The following PPP6R3 variants were observed in gnomAD, a reference collection of about 807,000 sequenced individuals.
The protein encoded by PPP6R3 is protein phosphatase 6 regulatory subunit 3, also known as serine/threonine-protein phosphatase 6 regulatory subunit 3.
PPP6R3 carries 38 observed loss-of-function variants against 110.7 expected under a neutral mutation model. The observed-to-expected ratio is 0.34, with a 90% confidence interval of 0.26 to 0.45. The LOEUF (loss-of-function observed/expected upper bound fraction) is 0.45. PPP6R3 is among the 20% of genes least tolerant of loss of function. The pLI is 1.00. For missense variants in PPP6R3, 870 were observed against 1,062.4 expected (o/e 0.82, Z 2.52); for synonymous variants, 369 against 373.5 (o/e 0.99, Z 0.14).
At chr11:68,503,628 A>G (rs2099059950) in intron 1 of PPP6R3, among the ~76,000 whole-genome samples, 1 of 152,212 alleles carries the variant, frequency 6.6e-6, no homozygotes, top group South Asian at 2.1e-4. Context: ...GTACGTGAGG[A>G]CAGAAGAGTT....
At chr11:68,596,075 C>T (rs1281977632) in intron 18 of PPP6R3, 22 bp from the exon 19 acceptor site, 2 of 1,614,016 alleles carry the variant, frequency 1.2e-6, no homozygotes, top group East Asian at 2.2e-5. Context: ...GTGTTAAATA[C>T]TTGGGTCTTG....
chr11:68,574,958 A>C (rs958729136), intron 13 of PPP6R3, among the ~76,000 whole-genome samples: 28 of 152,124 alleles, frequency 1.8e-4, no homozygotes, highest in Non-Finnish European at 1.8e-4. Context: ...ATTTTTTCTT[A>C]AGAATGTTTG....
chr11:68,591,214 GCT>G (rs1227098292), intron 17 of PPP6R3, among the ~76,000 whole-genome samples: 1 of 152,186 alleles, frequency 6.6e-6, no homozygotes, highest in Non-Finnish European at 1.5e-5. Context: ...GGTTATCACT[GCT>G]CAGCTGGACT....
intron 22 of PPP6R3, among the ~76,000 whole-genome samples, chr11:68,607,778 ATT>A (rs763137307): frequency 1.4e-5 from 2 of 146,360 alleles, no homozygotes; most frequent in Non-Finnish European, 3.0e-5. Flanking sequence ...TCTAATCTAG[ATT>A]TTTTTTTTTT....
chr11:68,530,455 G>C (rs1484013615), intron 2 of PPP6R3, among the ~76,000 whole-genome samples: 1 of 152,350 alleles, frequency 6.6e-6, no homozygotes, highest in South Asian at 2.1e-4. Flanking sequence ...TTGGGTGGAA[G>C]CAGCTGCTTC....
chr11:68,565,750 C>T (rs571761766), intron 9 of PPP6R3, among the ~76,000 whole-genome samples: 2 of 148,286 alleles, frequency 1.3e-5, no homozygotes, highest in African/African-American at 2.6e-5. Flanking sequence ...GAGTGAGTTC[C>T]GTTTGCACCT....
intron 2 of PPP6R3, among the ~76,000 whole-genome samples, chr11:68,520,081 A>C (rs1235634486): frequency 6.6e-6 from 1 of 152,198 alleles, no homozygotes; most frequent in Admixed American, 6.5e-5. Context: ...CCTAATCTCC[A>C]TCACTTTAGA....
intron 3 of PPP6R3, among the ~76,000 whole-genome samples, chr11:68,538,713 T>G (rs2099287237): frequency 6.6e-6 from 1 of 152,234 alleles, no homozygotes; most frequent in South Asian, 2.1e-4. Context: ...TTGTTAATGC[T>G]TTCAAGTTGC....
intron 19 of PPP6R3, among the ~76,000 whole-genome samples, chr11:68,597,344 GT>G (rs1199979103): frequency 6.6e-6 from 1 of 152,194 alleles, no homozygotes; most frequent in African/African-American, 2.4e-5. Context: ...AGAACGTGCT[GT>G]TTTGCATGGC....
intron 1 of PPP6R3, among the ~76,000 whole-genome samples, chr11:68,476,342 A>T (rs1411706678): frequency 6.6e-6 from 1 of 152,066 alleles, no homozygotes; most frequent in Admixed American, 6.5e-5. Context: ...GCACGCCTGC[A>T]ATCGCAGGCA....
At chr11:68,509,219 T>G (rs1357282948) in intron 1 of PPP6R3, among the ~76,000 whole-genome samples, 1 of 152,262 alleles carries the variant, frequency 6.6e-6, no homozygotes, top group Admixed American at 6.5e-5. Flanking sequence ...GAACCTTTCA[T>G]CATCCTTATG....
intron 14 of PPP6R3, among the ~76,000 whole-genome samples, chr11:68,580,751 T>C (rs1374371109): frequency 8.4e-4 from 1 of 1,184 alleles, no homozygotes; most frequent in African/African-American, 2.3e-3. Flanking sequence ...ATAATCTTTT[T>C]TTTTTTTTTT....
intron 10 of PPP6R3, 84 bp from the exon 11 acceptor site, chr11:68,569,664 T>C (rs2099494867): frequency 4.9e-6 from 6 of 1,229,812 alleles, no homozygotes; most frequent in Non-Finnish European, 6.6e-6. Flanking sequence ...TTTTACTTTA[T>C]TAAATCACTG....
chr11:68,603,538 G>C (rs1186847622), intron 22 of PPP6R3, 46 bp downstream of exon 22: 3 of 1,611,070 alleles, frequency 1.9e-6, no homozygotes, highest in African/African-American at 2.7e-5. Context: ...TTATTGGGAG[G>C]ATGGTGGGGC....
At chr11:68,472,670 A>G (rs149524415) in intron 1 of PPP6R3, among the ~76,000 whole-genome samples, 128 of 151,930 alleles carry the variant, frequency 8.4e-4, no homozygotes, top group African/African-American at 2.3e-3. Context: ...AGACTATTCA[A>G]TTGATCAATT....
chr11:68,595,169 T>C (rs1327326242), intron 18 of PPP6R3, among the ~76,000 whole-genome samples: 1 of 151,396 alleles, frequency 6.6e-6, no homozygotes, highest in African/African-American at 2.4e-5. Flanking sequence ...ATTTCTTAGA[T>C]GTATCACCAA....
chr11:68,566,086 T>C (rs1192082579), intron 9 of PPP6R3, among the ~76,000 whole-genome samples: 1 of 152,222 alleles, frequency 6.6e-6, no homozygotes, highest in Non-Finnish European at 1.5e-5. Context: ...GAAACTCCTG[T>C]TGATGGACAA....
intron 1 of PPP6R3, among the ~76,000 whole-genome samples, chr11:68,518,449 A>G (rs1394082336): frequency 1.3e-5 from 2 of 152,210 alleles, no homozygotes; most frequent in South Asian, 2.1e-4. Flanking sequence ...TTAAGGAAAT[A>G]GGACTTTAGA....
chr11:68,513,110 T>C (rs536192297), intron 1 of PPP6R3, among the ~76,000 whole-genome samples: 96 of 152,206 alleles, frequency 6.3e-4, no homozygotes, highest in African/African-American at 2.1e-3. Flanking sequence ...TAGAGACCAC[T>C]GGCGTCCCTG....
Sources: gnomAD v4.1 joint callset for allele counts (sites outside exome capture counted in the v4.1 genomes callset) on GRCh38, gnomAD v4.1.1 for gene constraint, MANE v1.5 for transcripts, NCBI Gene and HGNC (gene_info 2026-07-23, HGNC 2026-07-21) for gene names.